The following DNAAF4 variants were observed in gnomAD, a reference collection of about 807,000 sequenced individuals.
DNAAF4 encodes the protein dynein assembly factor 4, axonemal.
DNAAF4 carries 43 observed loss-of-function variants against 51.8 expected under a neutral mutation model. The observed-to-expected ratio is 0.83, with a 90% CI of 0.65 to 1.07. The LOEUF (loss-of-function observed/expected upper bound fraction) is 1.07, where lower values mean the gene tolerates loss of function less well. Ranked by LOEUF, DNAAF4 falls within the 50% of genes least tolerant of loss-of-function variation. DNAAF4 has a pLI of 0.00. For synonymous variants in DNAAF4, 194 were observed against 165.6 expected (o/e 1.17, Z -1.32); for missense variants, 581 against 493.0 (o/e 1.18, Z -1.69).
chr15:55,443,301 T>G, intron 6 of DNAAF4: 1 of 1,385,240 alleles, frequency 7.2e-7, no homozygotes, highest in Non-Finnish European at 1.0e-6. Flanking sequence ...TGCCTACCGG[T>G]GGCGGCTGGC....
chr15:55,447,424 C>T (rs949778962), intron 6 of DNAAF4, among the ~76,000 whole-genome samples: 4 of 151,906 alleles, frequency 2.6e-5, no homozygotes, highest in Non-Finnish European at 4.4e-5. Flanking sequence ...CCAAGGCAGG[C>T]GGCTGGGAGG....
At chr15:55,479,736 T>C (rs897419215) in intron 4 of DNAAF4, among the ~76,000 whole-genome samples, 6 of 152,084 alleles carry the variant, frequency 3.9e-5, no homozygotes, top group Admixed American at 6.6e-5. Context: ...CGGAGGTCTA[T>C]AAATGGCCGC....
rs530659646 is a variant in DNAAF4, at chr15:55,498,482, A to G, written c.-153T>C. On this transcript the variant is annotated 5_prime_UTR_variant, in exon 2 of 10. Transcript: ENST00000321149. ...GTGCTCCGGCGCCAGCACCTCGCGGACTCCATGCGTGACTATCCAGGCGCC... is the reference window on the plus strand; with the variant it reads ...GTGCTCCGGCGCCAGCACCTCGCGGGCTCCATGCGTGACTATCCAGGCGCC... 1.7e-6 allele frequency: 2 copies of G among 1,160,032 alleles called. No homozygotes were observed. The highest frequency in any genetic ancestry group is 3.3e-5 in the South Asian group (2 of 61,110). 71.9% of individuals were successfully genotyped at this position (1,160,032 alleles called of 1,614,324 possible).
chr15:55,452,500 A>G (rs865908691), intron 5 of DNAAF4, among the ~76,000 whole-genome samples: 1 of 152,222 alleles, frequency 6.6e-6, no homozygotes, highest in Middle Eastern at 3.4e-3. Flanking sequence ...AAAATAAGAT[A>G]TATAATTTCC....
chr15:55,440,707 A>G (rs1005278698), intron 6 of DNAAF4, among the ~76,000 whole-genome samples: 7 of 148,880 alleles, frequency 4.7e-5, no homozygotes, highest in African/African-American at 1.7e-4. Flanking sequence ...TTTGAGACAG[A>G]GTCTCACTCA....
intron 6 of DNAAF4, among the ~76,000 whole-genome samples, chr15:55,444,476 A>T (rs528825972): frequency 6.6e-6 from 1 of 152,146 alleles, no homozygotes; most frequent in African/African-American, 2.4e-5. Context: ...GTCAGGTGGC[A>T]TGATGCCTCC....
chr15:55,439,714 C>T (rs1334886908), intron 6 of DNAAF4, 133 bp from the exon 7 acceptor site: 103 of 720,260 alleles, frequency 1.4e-4, no homozygotes, highest in Non-Finnish European at 3.8e-5. Context: ...GTCTTCTCCA[C>T]CTCTCCTCCA....
intron 7 of DNAAF4, among the ~76,000 whole-genome samples, chr15:55,421,993 T>C (rs1318925873): frequency 6.6e-6 from 1 of 150,810 alleles, no homozygotes. Flanking sequence ...TAATGGAGTT[T>C]AGATTCTAAT....
chr15:55,498,184 G>T (rs1050281159), intron 2 of DNAAF4, 23 bp downstream of exon 2: 1 of 1,614,014 alleles, frequency 6.2e-7, no homozygotes, highest in Non-Finnish European at 8.5e-7. Flanking sequence ...CCGGAGACCG[G>T]CAGGCAAGAC....
intron 1 of DNAAF4, 55 bp from the exon 2 acceptor site, chr15:55,498,639 C>T (rs1305864897): frequency 4.3e-6 from 1 of 234,862 alleles, no homozygotes; most frequent in Non-Finnish European, 7.9e-6. Flanking sequence ...GGCGCGCTAG[C>T]TCACGCCTGT....
intron 4 of DNAAF4, among the ~76,000 whole-genome samples, chr15:55,467,472 A>G (rs867560477): frequency 6.6e-6 from 1 of 152,064 alleles, no homozygotes; most frequent in Admixed American, 6.6e-5. Context: ...CAATTAGATG[A>G]TACCTAAGGG....
At chr15:55,463,207 C>T (rs541772986) in intron 5 of DNAAF4, among the ~76,000 whole-genome samples, 2 of 151,788 alleles carry the variant, frequency 1.3e-5, no homozygotes, top group East Asian at 3.9e-4. Context: ...CACACACACA[C>T]ACACAAAGCA....
intron 3 of DNAAF4, among the ~76,000 whole-genome samples, chr15:55,492,802 T>C (rs909377927): frequency 5.9e-5 from 9 of 152,154 alleles, no homozygotes; most frequent in African/African-American, 1.9e-4. Flanking sequence ...CCTCCGAAAG[T>C]GCTGGGATTA....
chr15:55,506,907 A>G (rs1239704849), intron 1 of DNAAF4, among the ~76,000 whole-genome samples: 1 of 151,772 alleles, frequency 6.6e-6, no homozygotes, highest in East Asian at 1.9e-4. Flanking sequence ...CTGGAGTGCA[A>G]TGGGGCATCT....
At chr15:55,426,292 T>C (rs893502821), downstream of DNAAF4, among the ~76,000 whole-genome samples, 1 of 152,128 alleles carries the variant, frequency 6.6e-6, no homozygotes, top group African/African-American at 2.4e-5. Context: ...ACGGCATGAC[T>C]CCTAAACCAT....
rs796336616 is a variant in DNAAF4 at position 55,504,140 on chromosome 15, G to A, written c.-256+3982C>T. On this transcript the variant is annotated intron_variant, in intron 1 of 9. Coordinates refer to ENST00000321149, the MANE Select transcript of DNAAF4 (RefSeq NM_130810.4). ...TTCCTATACACCATTAACAGACAGA[G>A]AACCAAATCATGAGTGAACTCCCAT... Among the ~76,000 whole-genome samples the A allele has an allele frequency of 1.8e-4, 28 of 152,012 alleles. 1 individual carries two copies. The highest frequency in any genetic ancestry group is 6.7e-4 in the African/African-American group (28 of 41,514).
chr15:55,505,934 T>C (rs2058725122), intron 1 of DNAAF4, among the ~76,000 whole-genome samples: 1 of 152,134 alleles, frequency 6.6e-6, no homozygotes, highest in African/African-American at 2.4e-5. Context: ...AAAGTAGCTG[T>C]TGTACATTTT....
intron 6 of DNAAF4, among the ~76,000 whole-genome samples, chr15:55,441,135 G>A (rs533486100): frequency 6.6e-6 from 1 of 151,390 alleles, no homozygotes; most frequent in Admixed American, 6.6e-5. Context: ...GCAGTTGCAT[G>A]ATCTCAGCTC....
intron 7 of DNAAF4, among the ~76,000 whole-genome samples, chr15:55,421,277 G>T (rs191101597): frequency 6.6e-6 from 1 of 151,630 alleles, no homozygotes; most frequent in East Asian, 1.9e-4. Flanking sequence ...GAGGTGGTCC[G>T]ATTACAGGAA....
Sources: allele counts gnomAD v4.1 joint callset (sites outside exome capture counted in the v4.1 genomes callset), GRCh38; gene constraint gnomAD v4.1.1; transcripts MANE v1.5; gene names NCBI Gene and HGNC (gene_info 2026-07-23, HGNC 2026-07-21).